Variants in INPP5K observed in about 807,000 individuals in gnomAD.
INPP5K encodes the protein inositol polyphosphate 5-phosphatase K.
In INPP5K, 35 loss-of-function variants were observed where a neutral mutation model predicts 53.5. The ratio of observed to expected loss-of-function variants is 0.65; its 90% CI spans 0.50 to 0.87. The LOEUF (loss-of-function observed/expected upper bound fraction) is 0.87. Among genes scored for constraint, INPP5K ranks in the 40% least tolerant of loss-of-function variants. INPP5K has a pLI of 0.00. For synonymous variants in INPP5K, 253 were observed against 232.8 expected, an observed-to-expected ratio of 1.09 and a Z score of -0.79; for missense variants, 550 against 586.2, an observed-to-expected ratio of 0.94 and a Z score of 0.64.
At chr17:1,514,790 C>A (rs1322233101) in intron 1 of INPP5K, among the ~76,000 whole-genome samples, 1 of 152,066 alleles carries the variant, frequency 6.6e-6, no homozygotes, top group Non-Finnish European at 1.5e-5. Context: ...GGCCTCAGCA[C>A]TACAAGGGCA....
At chr17:1,509,614 T>G (rs781501589) in intron 4 of INPP5K, 69 bp downstream of exon 4, 133 of 1,094,232 alleles carry the variant, frequency 1.2e-4, no homozygotes, top group Non-Finnish European at 1.8e-4. Context: ...CACTTCCTTT[T>G]TCTTTTGCCC....
intron 2 of INPP5K, 90 bp from the exon 3 acceptor site, chr17:1,513,651 G>C: frequency 8.1e-7 from 1 of 1,228,020 alleles, no homozygotes; most frequent in Non-Finnish European, 1.2e-6. Flanking sequence ...GGACTTTCAA[G>C]GCCTGAGTTC....
At chr17:1,508,957 G>A (rs1170801734) in intron 5 of INPP5K, 4 of 467,874 alleles carry the variant, frequency 8.5e-6, no homozygotes, top group South Asian at 8.4e-5. Context: ...GGGGGTCAGC[G>A]TGGGGCAGAG....
chr17:1,501,887 T>G (rs1010891488), intron 7 of INPP5K, among the ~76,000 whole-genome samples: 1 of 141,674 alleles, frequency 7.1e-6, no homozygotes, highest in Non-Finnish European at 1.5e-5. Flanking sequence ...ACACACAAAT[T>G]TGCCAGGCGT....
In INPP5K at chr17:1,496,318, C is replaced by G; in HGVS notation, c.1185+1G>C. 2.6e-6 allele frequency: 4 copies of G among 1,559,468 alleles called. No individual in the cohort carries two copies. The highest frequency in any genetic ancestry group is 3.5e-6 in the Non-Finnish European group (4 of 1,150,944). On this transcript the variant is annotated splice_donor_variant, in intron 10 of 11. Coordinates refer to ENST00000421807, the MANE Select transcript of INPP5K (RefSeq NM_016532.4). LOFTEE classifies it high-confidence loss of function. Reference sequence around the variant, plus strand: ...TGATGTACCTGGTGCTGGTGACGTACCTGGTTCAGGTTGTCGCTGCAGGAG... The same window carrying G: ...TGATGTACCTGGTGCTGGTGACGTAGCTGGTTCAGGTTGTCGCTGCAGGAG...
In INPP5K at chr17:1,513,346, G is replaced by A. The variant is rs111472879; in HGVS notation, c.261+107C>T. On this transcript the variant is annotated intron_variant, in intron 3 of 11. Transcript: ENST00000421807. The stretch of plus-strand genomic sequence containing the variant: ...TAGCCCTTTAAACAAATGGGAAACA[G>A]CATGAAAGGCTGAGCAGGAGTAAGA... 8,734 of 955,716 alleles carry A rather than the reference G, an allele frequency of 9.1e-3. 61 individuals are homozygous for A. Among genetic ancestry groups the A allele is most frequent in the Non-Finnish European group, 0.012 (7,380 of 593,646 alleles). The allele number at this position is 955,716 out of a possible 1,614,324, so 59.2% of individuals were successfully genotyped here.
In INPP5K at chr17:1,513,519, A is replaced by T; in HGVS notation, c.195T>A (p.Asp65Glu). The T allele has an allele frequency of 6.2e-7, 1 of 1,614,266 alleles. No homozygotes were observed. Among genetic ancestry groups the T allele is most frequent in the Non-Finnish European group, 8.5e-7 (1 of 1,180,048 alleles). ...TGCTCCACGAGTCATTAAAGGCAGCATCGGAAAGGAGGCTTATGATCCCAG... is the reference window on the plus strand; with the variant it reads ...TGCTCCACGAGTCATTAAAGGCAGCTTCGGAAAGGAGGCTTATGATCCCAG... ...LNSGIISLLS[D>E]AAFNDSWSSF... The change falls in exon 3 of 12, where the codon GAT becomes GAA. Residue 65 changes from aspartate to glutamate, a missense_variant. Transcript: ENST00000421807.
intron 7 of INPP5K, 139 bp from the exon 8 acceptor site, chr17:1,498,261 C>T (rs956301706): frequency 4.4e-6 from 3 of 676,208 alleles, no homozygotes; most frequent in African/African-American, 1.8e-5. Context: ...GGGGCCAGAG[C>T]CGGAGGGAGC....
At chr17:1,513,809 G>A in intron 2 of INPP5K, 63 bp downstream of exon 2, 1 of 1,311,180 alleles carries the variant, frequency 7.6e-7, no homozygotes, top group Non-Finnish European at 1.1e-6. Flanking sequence ...GCAGGTCACA[G>A]TGCTTCCCAC....
chr17:1,499,097 C>T (rs1212143907), intron 7 of INPP5K, among the ~76,000 whole-genome samples: 1 of 152,184 alleles, frequency 6.6e-6, no homozygotes, highest in African/African-American at 2.4e-5. Flanking sequence ...GAGGGAATAA[C>T]AGTAGTTACC....
At position 1,513,864 on chromosome 17, in the gene INPP5K, A is replaced by T. The variant is rs146917975; in HGVS notation, c.152+8T>A. 4.3e-3 allele frequency: 6,962 copies of T among 1,600,962 alleles called. 71 individuals carry two copies. The highest frequency in any genetic ancestry group is 3.2e-3 in the Non-Finnish European group (3,707 of 1,169,044). ...CAGGGATGGGCGAAGGAGCCTGCAGATACCTACCCAATAACATATATGTCA... is the reference window on the plus strand; with the variant it reads ...CAGGGATGGGCGAAGGAGCCTGCAGTTACCTACCCAATAACATATATGTCA... On this transcript the variant is annotated splice_region_variant and intron_variant, in intron 2 of 11. Transcript: ENST00000421807.
At chr17:1,508,888 C>T (rs2075231815) in intron 5 of INPP5K, 20 of 283,482 alleles carry the variant, frequency 7.1e-5, no homozygotes, top group South Asian at 4.4e-4. Flanking sequence ...CAGGCTCACT[C>T]GTGGCGGTCA....
At chr17:1,512,629 C>T (rs1346356161) in intron 3 of INPP5K, among the ~76,000 whole-genome samples, 3 of 152,158 alleles carry the variant, frequency 2.0e-5, no homozygotes, top group Non-Finnish European at 4.4e-5. Context: ...CTCAGGTGTG[C>T]AGGGCAGAAC....
chr17:1,499,423 G>A lies in INPP5K; in HGVS notation c.777-1301C>T, dbSNP rs565249688. 2.0e-5 allele frequency among the ~76,000 whole-genome samples: 3 copies of A among 152,192 alleles called. No individual in the cohort carries two copies. The East Asian group carries it at 5.8e-4, about 29-fold the overall frequency. ...CAAGATAATTGCTTGAAGCTGGCAGGCGGAGGTTGCAGTGAGCTGAGATCA... is the reference window on the plus strand; with the variant it reads ...CAAGATAATTGCTTGAAGCTGGCAGACGGAGGTTGCAGTGAGCTGAGATCA... On this transcript the variant is annotated intron_variant, in intron 7 of 11. Coordinates refer to ENST00000421807, the MANE Select transcript of INPP5K (RefSeq NM_016532.4).
chr17:1,503,672 C>G (rs1395201368), intron 7 of INPP5K, among the ~76,000 whole-genome samples: 1 of 152,058 alleles, frequency 6.6e-6, no homozygotes, highest in Non-Finnish European at 1.5e-5. Context: ...GAGCCAAGAT[C>G]ATGCCATTGC....
At chr17:1,506,440 CA>C (rs2075156804) in intron 7 of INPP5K, among the ~76,000 whole-genome samples, 1 of 152,226 alleles carries the variant, frequency 6.6e-6, no homozygotes, top group Admixed American at 6.5e-5. Flanking sequence ...TTATAGCTGA[CA>C]AAATCAAGGC....
At chr17:1,506,013 G>T (rs1598379185) in intron 7 of INPP5K, among the ~76,000 whole-genome samples, 1 of 152,214 alleles carries the variant, frequency 6.6e-6, no homozygotes, top group South Asian at 2.1e-4. Context: ...GGGAAGACAT[G>T]AATCTATTTA....
intron 3 of INPP5K, among the ~76,000 whole-genome samples, chr17:1,511,608 C>T (rs1398383371): frequency 6.6e-6 from 1 of 152,126 alleles, no homozygotes; most frequent in African/African-American, 2.4e-5. Flanking sequence ...TCAGGTGGGC[C>T]AGAGGTTGCT....
chr17:1,507,147 C>T (rs35417891), intron 6 of INPP5K, 58 bp from the exon 7 acceptor site: 152,828 of 1,302,262 alleles, frequency 0.12, 9,546 homozygotes, highest in Middle Eastern at 0.15. Flanking sequence ...GGCCCAGTAC[C>T]ACACTCCATT....
Sources: allele counts gnomAD v4.1 joint callset (sites outside exome capture counted in the v4.1 genomes callset), GRCh38; gene constraint gnomAD v4.1.1; transcripts MANE v1.5; gene names NCBI Gene and HGNC (gene_info 2026-07-23, HGNC 2026-07-21).